Variants in VAX2 observed in about 807,000 individuals in gnomAD.
VAX2 encodes the protein ventral anterior homeobox 2.
In VAX2, 8 loss-of-function variants were observed where a neutral mutation model predicts 12.5. The ratio of observed to expected loss-of-function variants is 0.64; its 90% CI spans 0.37 to 1.15. VAX2 has a LOEUF of 1.15. Among genes scored for constraint, VAX2 ranks in the 50% most tolerant of loss-of-function variants. The pLI is 0.01. For missense variants in VAX2, 476 were observed against 412.9 expected (o/e 1.15, Z -1.32); for synonymous variants, 183 against 187.6 (o/e 0.98, Z 0.20).
intron 1 of VAX2, among the ~76,000 whole-genome samples, chr2:70,911,632 A>G (rs1417276701): frequency 6.6e-6 from 1 of 152,244 alleles, no homozygotes; most frequent in East Asian, 1.9e-4. Flanking sequence ...AAAATATGGC[A>G]TCTCAAAAAA....
At chr2:70,926,333 G>A (rs1679571342) in intron 2 of VAX2, among the ~76,000 whole-genome samples, 1 of 152,036 alleles carries the variant, frequency 6.6e-6, no homozygotes, top group Non-Finnish European at 1.5e-5. Context: ...AGCCTCAGAG[G>A]AATCTCTCTC....
chr2:70,923,028 TGTGTGTGCAC>T (rs1301766873), intron 2 of VAX2, among the ~76,000 whole-genome samples: 1 of 151,942 alleles, frequency 6.6e-6, no homozygotes, highest in African/African-American at 2.4e-5. Flanking sequence ...AGTGTGTGTG[TGTGTGTGCAC>T]GTGTGTGCAT....
At position 70,933,338 on chromosome 2, in the gene VAX2, A is replaced by G; in HGVS notation, c.*134A>G. 1.1e-6 allele frequency: 1 copy of G among 914,772 alleles called. No individual in the cohort carries two copies. Among genetic ancestry groups the G allele is most frequent in the Non-Finnish European group, 1.5e-6 (1 of 665,646 alleles). The allele number at this position is 914,772 out of a possible 1,614,324, so 56.7% of individuals were successfully genotyped here. ...CTCTTCCCCACCTGCCCCCCAGCTCAGAGACTCGTGACCAAATGGCCTTGG... is the reference window on the plus strand; with the variant it reads ...CTCTTCCCCACCTGCCCCCCAGCTCGGAGACTCGTGACCAAATGGCCTTGG... On this transcript the variant is annotated 3_prime_UTR_variant, in exon 3 of 3. Coordinates refer to ENST00000234392, the MANE Select transcript of VAX2 (RefSeq NM_012476.3).
intron 2 of VAX2, among the ~76,000 whole-genome samples, chr2:70,925,594 C>A (rs781956600): frequency 5.9e-5 from 9 of 152,126 alleles, no homozygotes; most frequent in African/African-American, 9.7e-5. Flanking sequence ...GCTGGTTTTT[C>A]TCTGGTTTAA....
intron 1 of VAX2, among the ~76,000 whole-genome samples, chr2:70,908,481 G>T (rs1679111022): frequency 6.6e-6 from 1 of 151,956 alleles, no homozygotes; most frequent in Admixed American, 6.6e-5. Context: ...ATAACTTTTT[G>T]TTTGTTTTTT....
At chr2:70,914,152 C>G (rs188033556) in intron 1 of VAX2, among the ~76,000 whole-genome samples, 1 of 152,008 alleles carries the variant, frequency 6.6e-6, no homozygotes, top group Non-Finnish European at 1.5e-5. Context: ...CAAATACCAA[C>G]GAAAATAAAA....
chr2:70,914,344 G>A (rs1264714640), intron 1 of VAX2, among the ~76,000 whole-genome samples: 3 of 152,190 alleles, frequency 2.0e-5, no homozygotes, highest in Admixed American at 2.0e-4. Flanking sequence ...AGCTACTTGG[G>A]AGGCTGAGGC....
chr2:70,926,903 T>C (rs1264054276), intron 2 of VAX2, among the ~76,000 whole-genome samples: 1 of 152,140 alleles, frequency 6.6e-6, no homozygotes, highest in Non-Finnish European at 1.5e-5. Context: ...GTTAAGTAAC[T>C]TGACTTAAGT....
chr2:70,917,899 C>T (rs547031132), intron 1 of VAX2, among the ~76,000 whole-genome samples: 3 of 152,220 alleles, frequency 2.0e-5, no homozygotes, highest in Admixed American at 6.5e-5. Flanking sequence ...CTATTCATAC[C>T]CCACAAAACA....
intron 2 of VAX2, among the ~76,000 whole-genome samples, chr2:70,931,034 T>A (rs1363194934): frequency 6.6e-6 from 1 of 152,026 alleles, no homozygotes; most frequent in Non-Finnish European, 1.5e-5. Context: ...AATGCCAGTC[T>A]CTCCTTCTAG....
chr2:70,919,929 C>T (rs1553412561), intron 1 of VAX2, among the ~76,000 whole-genome samples: 1 of 152,208 alleles, frequency 6.6e-6, no homozygotes, highest in Admixed American at 6.5e-5. Flanking sequence ...GTACTGCAGA[C>T]GTTTGTCAGC....
chr2:70,913,704 TAA>T (rs1553411537), intron 1 of VAX2, among the ~76,000 whole-genome samples: 22 of 151,544 alleles, frequency 1.5e-4, no homozygotes, highest in Non-Finnish European at 2.9e-4. Context: ...AATAAATAAA[TAA>T]ATAAATAAAT....
At chr2:70,921,378 CA>C (rs1162520686) in intron 2 of VAX2, 93 bp downstream of exon 2, 90 of 1,385,682 alleles carry the variant, frequency 6.5e-5, no homozygotes, top group Non-Finnish European at 8.2e-5. Context: ...CAGGGAGACC[CA>C]ACTTTGGAGG....
intron 1 of VAX2, among the ~76,000 whole-genome samples, chr2:70,901,516 G>A (rs532074223): frequency 4.6e-5 from 7 of 152,304 alleles, no homozygotes; most frequent in African/African-American, 1.7e-4. Flanking sequence ...GGCCTTTCAC[G>A]TCCTTCTCTT....
chr2:70,919,463 G>A (rs145418298), intron 1 of VAX2, among the ~76,000 whole-genome samples: 2 of 152,196 alleles, frequency 1.3e-5, no homozygotes, highest in Admixed American at 6.5e-5. Context: ...GCTGAGACAA[G>A]AGGATCACTT....
Position 70,933,316 on chromosome 2 carries a change from T to G in VAX2, c.*112T>G. The stretch of plus-strand genomic sequence containing the variant: ...GAGGAGGGGCTGCAGCCACACACTC[T>G]TCCCCACCTGCCCCCCAGCTCAGAG... On this transcript the variant is annotated 3_prime_UTR_variant, in exon 3 of 3. Transcript: ENST00000234392. The G allele has an allele frequency of 1.9e-6, 2 of 1,066,992 alleles. No individual in the cohort carries two copies. The highest frequency in any genetic ancestry group is 1.2e-6 in the Non-Finnish European group (1 of 804,436). 66.1% of individuals were successfully genotyped at this position (1,066,992 alleles called of 1,614,324 possible).
chr2:70,916,599 T>G (rs1466380498), intron 1 of VAX2, among the ~76,000 whole-genome samples: 1 of 152,206 alleles, frequency 6.6e-6, no homozygotes, highest in African/African-American at 2.4e-5. Context: ...TTGTTACCTT[T>G]ATATTAAATA....
chr2:70,923,255 G>T (rs1553413094), intron 2 of VAX2, among the ~76,000 whole-genome samples: 3 of 152,180 alleles, frequency 2.0e-5, no homozygotes, highest in Admixed American at 2.0e-4. Flanking sequence ...GATAGTAAAA[G>T]TAATGGACAG....
chr2:70,910,811 A>C (rs1272615957), intron 1 of VAX2, among the ~76,000 whole-genome samples: 4 of 149,846 alleles, frequency 2.7e-5, no homozygotes, highest in South Asian at 2.1e-4. Flanking sequence ...AAAACAAAAA[A>C]CCCACAAAAA....
Sources: allele counts gnomAD v4.1 joint callset (sites outside exome capture counted in the v4.1 genomes callset), GRCh38; gene constraint gnomAD v4.1.1; transcripts MANE v1.5; gene names NCBI Gene and HGNC (gene_info 2026-07-23, HGNC 2026-07-21).